The following SEMA6D variants were observed in gnomAD, a reference collection of about 807,000 sequenced individuals.
SEMA6D encodes the protein semaphorin-6D.
A neutral mutation model predicts 106.6 loss-of-function variants in SEMA6D; 35 were observed. The observed-to-expected ratio is 0.33, with a 90% CI of 0.25 to 0.44. SEMA6D has a LOEUF of 0.44. Ranked by LOEUF, SEMA6D falls within the 20% of genes least tolerant of loss-of-function variation. The pLI, the probability that SEMA6D is intolerant of heterozygous loss-of-function variation, is 1.00. For missense variants in SEMA6D, 1,185 were observed against 1,345.9 expected, an observed-to-expected ratio of 0.88 and a Z score of 1.87; for synonymous variants, 499 against 487.7, an observed-to-expected ratio of 1.02 and a Z score of -0.31.
intron 1 of SEMA6D, among the ~76,000 whole-genome samples, chr15:47,751,685 C>G (rs763107096): frequency 2.6e-5 from 4 of 152,174 alleles, no homozygotes; most frequent in Non-Finnish European, 4.4e-5. Context: ...CTAAATCAAT[C>G]TAAATTAAAC....
intron 3 of SEMA6D, among the ~76,000 whole-genome samples, chr15:47,501,899 C>T (rs1038877318): frequency 1.3e-5 from 2 of 151,432 alleles, no homozygotes; most frequent in African/African-American, 4.9e-5. Flanking sequence ...GCTTCATTTA[C>T]ATCATTATTT....
intron 3 of SEMA6D, among the ~76,000 whole-genome samples, chr15:47,562,349 C>G (rs2046105414): frequency 6.6e-6 from 1 of 151,900 alleles, no homozygotes; most frequent in Non-Finnish European, 1.5e-5. Context: ...TATAAAAATT[C>G]TAGGAGAAAA....
At chr15:47,676,613 C>T (rs1317832139) in intron 4 of SEMA6D, among the ~76,000 whole-genome samples, 2 of 152,180 alleles carry the variant, frequency 1.3e-5, no homozygotes, top group Non-Finnish European at 2.9e-5. Context: ...ATTAATGGCT[C>T]TCACTTGCAG....
chr15:47,757,489 C>T (rs143165027), intron 1 of SEMA6D, among the ~76,000 whole-genome samples: 499 of 152,272 alleles, frequency 3.3e-3, no homozygotes, highest in African/African-American at 0.012. Flanking sequence ...CAAGAAGACA[C>T]TGCTTCAGAA....
chr15:47,545,102 C>G (rs909811011), intron 3 of SEMA6D, among the ~76,000 whole-genome samples: 4 of 152,042 alleles, frequency 2.6e-5, no homozygotes, highest in African/African-American at 9.7e-5. Context: ...CAAATCTACA[C>G]CTTAGAACTT....
At chr15:47,281,760 A>G (rs11630467) in intron 1 of SEMA6D, among the ~76,000 whole-genome samples, 80,113 of 151,936 alleles carry the variant, frequency 0.53, 21,680 homozygotes, top group East Asian at 0.92. Context: ...TATTCATGTG[A>G]ATTTACTGCA....
intron 1 of SEMA6D, among the ~76,000 whole-genome samples, chr15:47,297,119 T>C (rs2035834558): frequency 6.6e-6 from 1 of 152,140 alleles, no homozygotes; most frequent in African/African-American, 2.4e-5. Context: ...GCCAGTTTGG[T>C]GAATAGATTA....
At position 47,768,587 on chromosome 15, in the gene SEMA6D, A is replaced by G. The variant is rs769924620; in HGVS notation, c.1772A>G (p.Glu591Gly). Residue 591 changes from glutamate to glycine, a missense_variant, in exon 18 of 19, where the codon GAG (glutamate) becomes GGG (glycine). Glu to Gly is a moderately conservative substitution (Grantham distance 98). Around this residue, in one of 3 missense-constraint regions of SEMA6D, gnomAD observed 750 missense variants for 783.5 expected, o/e 0.96. Coordinates refer to ENST00000536845, the MANE Select transcript of SEMA6D (RefSeq NM_001358351.3). ...KIFGGPTSDM[E>G]VSSSSVTTMA... ...AATCTGTTTGCCACCACAGACATGG[A>G]GGTATCTTCATCTTCTGTTACCACA... 2 of 1,609,944 alleles carry G rather than the reference A, an allele frequency of 1.2e-6. No individual in the cohort carries two copies. Among genetic ancestry groups the G allele is most frequent in the Non-Finnish European group, 8.5e-7 (1 of 1,177,282 alleles).
intron 3 of SEMA6D, among the ~76,000 whole-genome samples, chr15:47,561,069 AAC>A (rs1555390915): frequency 1.1e-4 from 16 of 151,988 alleles, no homozygotes; most frequent in Non-Finnish European, 1.8e-4. Flanking sequence ...AAAAAAAAAA[AAC>A]AAGTTTTGAG....
At chr15:47,188,853 C>G (rs1054850876) in intron 1 of SEMA6D, among the ~76,000 whole-genome samples, 3 of 152,144 alleles carry the variant, frequency 2.0e-5, no homozygotes, top group Non-Finnish European at 2.9e-5. Context: ...GATTTCTGAT[C>G]TAAAGATACT....
intron 1 of SEMA6D, among the ~76,000 whole-genome samples, chr15:47,381,185 A>G (rs1313984764): frequency 6.6e-6 from 1 of 152,244 alleles, no homozygotes; most frequent in Non-Finnish European, 1.5e-5. Flanking sequence ...TACATGGCAA[A>G]AATTACAATG....
intron 1 of SEMA6D, among the ~76,000 whole-genome samples, chr15:47,720,201 TC>T (rs1011461259): frequency 6.6e-6 from 1 of 151,298 alleles, no homozygotes; most frequent in Non-Finnish European, 1.5e-5. Context: ...TCTTACTGCA[TC>T]CTACAGAATA....
At chr15:47,762,128 AAC>A in intron 7 of SEMA6D, 70 bp from the exon 8 acceptor site, 1 of 1,581,376 alleles carries the variant, frequency 6.3e-7, no homozygotes, top group Non-Finnish European at 8.7e-7. Flanking sequence ...CAAAGGGCAT[AAC>A]ACGCTGCCAA....
chr15:47,271,013 T>A (rs1566964116), intron 1 of SEMA6D, among the ~76,000 whole-genome samples: 1 of 152,174 alleles, frequency 6.6e-6, no homozygotes, highest in Non-Finnish European at 1.5e-5. Flanking sequence ...CAGCTAAGTG[T>A]ACAAAGCATT....
intron 1 of SEMA6D, among the ~76,000 whole-genome samples, chr15:47,365,929 A>AG: frequency 1.6e-5 from 2 of 127,018 alleles, no homozygotes; most frequent in South Asian, 2.3e-4. Context: ...GAGAGAAAAG[A>AG]AAGAAAGAGA....
chr15:47,672,318 T>A (rs1356279569), intron 4 of SEMA6D, among the ~76,000 whole-genome samples: 1 of 152,178 alleles, frequency 6.6e-6, no homozygotes, highest in Non-Finnish European at 1.5e-5. Flanking sequence ...GCTTTCCTGA[T>A]CATCCCCATT....
intron 2 of SEMA6D, among the ~76,000 whole-genome samples, chr15:47,455,693 T>C (rs919741931): frequency 3.3e-5 from 5 of 151,948 alleles, no homozygotes; most frequent in African/African-American, 1.2e-4. Context: ...TTAACTCCAC[T>C]TTAACAGCTC....
intron 1 of SEMA6D, among the ~76,000 whole-genome samples, chr15:47,234,064 C>G (rs757858997): frequency 1.4e-4 from 21 of 151,866 alleles, no homozygotes; most frequent in Non-Finnish European, 2.4e-4. Flanking sequence ...ACAGTTGGGA[C>G]AAACAATATA....
chr15:47,391,845 G>T (rs1373859454), intron 1 of SEMA6D, among the ~76,000 whole-genome samples: 1 of 151,960 alleles, frequency 6.6e-6, no homozygotes, highest in Non-Finnish European at 1.5e-5. Flanking sequence ...TAGAAAAATT[G>T]GAATTGGAAC....
Sources: gnomAD v4.1 joint callset for allele counts (sites outside exome capture counted in the v4.1 genomes callset) on GRCh38, gnomAD v4.1.1 for gene constraint, gnomAD v4.1.1 regional missense constraint, MANE v1.5 for transcripts, NCBI Gene and HGNC (gene_info 2026-07-23, HGNC 2026-07-21) for gene names.